ANAPC11: variants seen among roughly 807,000 people sequenced by gnomAD.
ANAPC11 encodes anaphase promoting complex subunit 11.
A neutral mutation model predicts 11.8 loss-of-function variants in ANAPC11; 5 were observed. The observed-to-expected ratio is 0.42, with a 90% CI of 0.22 to 0.89. ANAPC11 has a LOEUF of 0.89. ANAPC11 is among the 40% of genes least tolerant of loss of function. The pLI, the probability that ANAPC11 is intolerant of heterozygous loss-of-function variation, is 0.28. For synonymous variants in ANAPC11, 45 were observed against 41.0 expected (o/e 1.10, Z -0.38); for missense variants, 68 against 112.9 (o/e 0.60, Z 1.80).
chr17:81,900,224 A>G lies in ANAPC11; in HGVS notation c.*159A>G. 8.4e-7 allele frequency: 1 copy of G among 1,185,260 alleles called. No homozygotes were observed. Among genetic ancestry groups the G allele is most frequent in the South Asian group, 1.4e-5 (1 of 69,184 alleles). The allele number at this position is 1,185,260 out of a possible 1,614,324, so 73.4% of individuals were successfully genotyped here. ...CACTATGTTGACACTTTTATCCAAT[A>G]AGTGAAAACTCATTAAACTACTCAA... On this transcript the variant is annotated 3_prime_UTR_variant, in exon 4 of 4. Coordinates refer to ENST00000344877, the MANE Select transcript of ANAPC11 (RefSeq NM_001002248.3).
At chr17:81,890,997 C>G (rs1317832368), upstream of ANAPC11, 12 of 941,412 alleles carry the variant, frequency 1.3e-5, no homozygotes, top group South Asian at 3.4e-5. Flanking sequence ...ACGGTCCCAC[C>G]GCGGCCGCAC....
chr17:81,892,828 C>A (rs2039592779), intron 1 of ANAPC11, among the ~76,000 whole-genome samples: 1 of 151,654 alleles, frequency 6.6e-6, no homozygotes, highest in Non-Finnish European at 1.5e-5. Context: ...CAGCCCATTT[C>A]ATGGATTTTA....
upstream of ANAPC11, chr17:81,890,860 C>T (rs369704556): frequency 1.3e-4 from 209 of 1,613,644 alleles, no homozygotes; most frequent in African/African-American, 2.6e-3. Context: ...CTGTGAGTCT[C>T]AGTCCAGGGC....
At chr17:81,893,937 C>G (rs1186525768) in intron 2 of ANAPC11, among the ~76,000 whole-genome samples, 1 of 151,676 alleles carries the variant, frequency 6.6e-6, no homozygotes, top group Non-Finnish European at 1.5e-5. Flanking sequence ...CCCTGCAGCC[C>G]TGACCCTCTG....
At chr17:81,891,440 A>C (rs2143504325), upstream of ANAPC11, 1 of 1,012,306 alleles carries the variant, frequency 9.9e-7, no homozygotes, top group East Asian at 9.8e-5. Context: ...CCTGCGCCCC[A>C]CCGCCGCGGC....
chr17:81,899,369 C>G, intron 3 of ANAPC11: 1 of 1,613,866 alleles, frequency 6.2e-7, no homozygotes, highest in Middle Eastern at 1.7e-4. Flanking sequence ...GGCAGCACAC[C>G]GGATCCCTGA....
At chr17:81,897,563 A>G (rs1269604291) in intron 3 of ANAPC11, among the ~76,000 whole-genome samples, 1 of 151,628 alleles carries the variant, frequency 6.6e-6, no homozygotes, top group African/African-American at 2.4e-5. Flanking sequence ...TGTAGCCTTC[A>G]ATTCCTCAGC....
At chr17:81,900,429 C>T (rs543882583), downstream of ANAPC11, 7 of 309,022 alleles carry the variant, frequency 2.3e-5, no homozygotes, top group Admixed American at 1.6e-4. Context: ...GGGGCATGCT[C>T]TTCAGGCATG....
intron 3 of ANAPC11, 194 bp downstream of exon 3, chr17:81,894,780 C>T (rs1056847670): frequency 6.7e-5 from 29 of 435,452 alleles, no homozygotes; most frequent in Non-Finnish European, 8.9e-5. Flanking sequence ...TGCAATGGCG[C>T]GATCTCGGCT....
rs2039892991 is a variant in ANAPC11, at chr17:81,900,108, T to C, written c.*43T>C. The C allele has an allele frequency of 1.9e-6, 3 of 1,609,592 alleles. No homozygotes were observed. The highest frequency in any genetic ancestry group is 2.5e-6 in the Non-Finnish European group (3 of 1,178,658). On this transcript the variant is annotated 3_prime_UTR_variant, in exon 4 of 4. Coordinates refer to ENST00000344877, the MANE Select transcript of ANAPC11 (RefSeq NM_001002248.3). The stretch of plus-strand genomic sequence containing the variant: ...GCTGGAGGGGCATCCTGAGACTCCT[T>C]CCTCATGCTGGCGCCGATGGCTGCT...
chr17:81,891,563 G>T, upstream of ANAPC11: 2 of 1,438,278 alleles, frequency 1.4e-6, no homozygotes, highest in East Asian at 3.3e-5. Context: ...CGGCCATGGC[G>T]GGCGCGGAAT....
chr17:81,891,690 GC>G, upstream of ANAPC11: 1 of 1,041,724 alleles, frequency 9.6e-7, no homozygotes, highest in South Asian at 2.4e-5. Context: ...GCGGACGGCT[GC>G]GCGCGCGGGA....
intron 1 of ANAPC11, chr17:81,892,997 C>G (rs969207536): frequency 6.6e-6 from 1 of 150,680 alleles, no homozygotes; most frequent in Non-Finnish European, 1.5e-5. Flanking sequence ...AGCTGGTGCA[C>G]GCCACCACAG....
chr17:81,891,495 C>A, upstream of ANAPC11: 1 of 1,260,620 alleles, frequency 7.9e-7, no homozygotes, highest in South Asian at 1.7e-5. Flanking sequence ...CCCGCCCCGG[C>A]CGCCTCGCTG....
chr17:81,893,418 TG>T (rs1301100347), intron 1 of ANAPC11, 133 bp from the exon 2 acceptor site: 2 of 151,808 alleles, frequency 1.3e-5, no homozygotes, highest in Non-Finnish European at 2.9e-5. Context: ...TTGGTAGAGA[TG>T]GGGTTTCACC....
chr17:81,894,750 T>G (rs2039677480), intron 3 of ANAPC11, 164 bp downstream of exon 3: 1 of 460,300 alleles, frequency 2.2e-6, no homozygotes, highest in South Asian at 4.0e-5. Flanking sequence ...CGAGTTTCGA[T>G]CTTGTTTCCC....
intron 3 of ANAPC11, among the ~76,000 whole-genome samples, chr17:81,897,202 T>C (rs2039776723): frequency 6.6e-6 from 1 of 152,136 alleles, no homozygotes; most frequent in African/African-American, 2.4e-5. Flanking sequence ...GGTTTCACCA[T>C]GTTGGCCAGG....
At chr17:81,893,927 C>T (rs1380789511) in intron 2 of ANAPC11, among the ~76,000 whole-genome samples, 1 of 151,768 alleles carries the variant, frequency 6.6e-6, no homozygotes, top group African/African-American at 2.4e-5. Context: ...CCCGTAGCTC[C>T]CCTGCAGCCC....
At position 81,894,599 on chromosome 17, in the gene ANAPC11, T is replaced by G; in HGVS notation, c.109+13T>G. The G allele has an allele frequency of 2.5e-6, 4 of 1,580,358 alleles. No individual in the cohort carries two copies. The highest frequency in any genetic ancestry group is 3.5e-6 in the Non-Finnish European group (4 of 1,155,776). ...TGCTGCCCTGACTGTGAGTGTCCCC[T>G]CCATGCTGTCTGAGCGGCCCCGACT... On this transcript the variant is annotated intron_variant, in intron 3 of 3. Transcript: ENST00000344877.
Sources: gnomAD v4.1 joint callset for allele counts (sites outside exome capture counted in the v4.1 genomes callset) on GRCh38, gnomAD v4.1.1 for gene constraint, MANE v1.5 for transcripts, NCBI Gene and HGNC (gene_info 2026-07-23, HGNC 2026-07-21) for gene names.